SGCD: variants seen among roughly 807,000 people sequenced by gnomAD.
SGCD encodes the protein sarcoglycan delta, also known as delta-sarcoglycan.
A neutral mutation model predicts 36.6 loss-of-function variants in SGCD; 18 were observed. The observed-to-expected ratio is 0.49, with a 90% confidence interval of 0.34 to 0.73. The LOEUF (loss-of-function observed/expected upper bound fraction) is 0.73, where lower values mean the gene tolerates loss of function less well. Ranked by LOEUF, SGCD falls within the 30% of genes least tolerant of loss-of-function variation. The pLI is 0.01. For missense variants in SGCD, 387 were observed against 346.7 expected, an observed-to-expected ratio of 1.12 and a Z score of -0.92; for synonymous variants, 133 against 130.6, an observed-to-expected ratio of 1.02 and a Z score of -0.12.
intron 3 of SGCD, among the ~76,000 whole-genome samples, chr5:156,136,697 A>G (rs1762467471): frequency 6.6e-6 from 1 of 152,220 alleles, no homozygotes; most frequent in African/African-American, 2.4e-5. Context: ...TTATAGACAT[A>G]GGGAACAACC....
intron 3 of SGCD, among the ~76,000 whole-genome samples, chr5:156,239,254 G>T (rs770659725): frequency 1.3e-5 from 2 of 151,970 alleles, no homozygotes; most frequent in African/African-American, 2.4e-5. Context: ...ACAAAAATTA[G>T]CTGGGTGTGG....
At chr5:156,629,855 CTTTTTTTTTTTT>C (rs560099325) in intron 6 of SGCD, among the ~76,000 whole-genome samples, 3 of 85,626 alleles carry the variant, frequency 3.5e-5, no homozygotes, top group Non-Finnish European at 4.8e-5. Flanking sequence ...GAGACTTTTT[CTTTTTTTTTTTT>C]TTTTTTTTTT....
chr5:156,039,670 G>A (rs1759587957), intron 1 of SGCD, among the ~76,000 whole-genome samples: 8 of 152,158 alleles, frequency 5.3e-5, no homozygotes, highest in Admixed American at 5.2e-4. Context: ...TTAAAGAATT[G>A]TATGTTTTCT....
chr5:156,566,038 G>T (rs1010115872), intron 4 of SGCD, among the ~76,000 whole-genome samples: 2 of 152,018 alleles, frequency 1.3e-5, no homozygotes, highest in African/African-American at 4.8e-5. Context: ...GTGGCCAAAG[G>T]ATATGAACAG....
chr5:156,001,971 G>C (rs559659633), intron 1 of SGCD, among the ~76,000 whole-genome samples: 2 of 152,312 alleles, frequency 1.3e-5, no homozygotes, highest in East Asian at 3.9e-4. Context: ...TTGAGAGCCA[G>C]GGTCAAAAGA....
chr5:156,643,471 C>T (rs1054989661), intron 6 of SGCD, among the ~76,000 whole-genome samples: 1 of 152,006 alleles, frequency 6.6e-6, no homozygotes, highest in African/African-American at 2.4e-5. Flanking sequence ...TTGGGTTCAC[C>T]AACATACTGT....
chr5:156,582,924 A>G (rs1017434164), intron 4 of SGCD, among the ~76,000 whole-genome samples: 3 of 152,156 alleles, frequency 2.0e-5, no homozygotes, highest in African/African-American at 7.2e-5. Context: ...ACTATGAGAG[A>G]TTTGCCTTGA....
At chr5:155,918,379 A>T (rs1756800393) in intron 1 of SGCD, among the ~76,000 whole-genome samples, 1 of 152,114 alleles carries the variant, frequency 6.6e-6, no homozygotes, top group South Asian at 2.1e-4. Context: ...CCTGACCAAC[A>T]CAGTGAAACC....
chr5:156,653,434 G>GT (rs1434756303), intron 7 of SGCD, among the ~76,000 whole-genome samples: 7 of 128,774 alleles, frequency 5.4e-5, no homozygotes, highest in Admixed American at 1.8e-4. Context: ...GGGGTAGCTT[G>GT]TAATGTCACC....
chr5:156,321,192 G>T (rs1767654245), intron 3 of SGCD, among the ~76,000 whole-genome samples: 1 of 152,204 alleles, frequency 6.6e-6, no homozygotes, highest in African/African-American at 2.4e-5. Context: ...GACCAAGGTG[G>T]GTGGATCAGG....
the SGCD span, among the ~76,000 whole-genome samples, chr5:155,753,334 T>TAA: frequency 4.4e-5 from 6 of 135,824 alleles, no homozygotes; most frequent in African/African-American, 7.1e-5. Flanking sequence ...AGACTTTGTC[T>TAA]AAAAAAAAAA....
intron 7 of SGCD, among the ~76,000 whole-genome samples, chr5:156,665,277 T>A (rs1764106440): frequency 6.6e-6 from 1 of 151,860 alleles, no homozygotes; most frequent in African/African-American, 2.4e-5. Flanking sequence ...ATTCTGGACC[T>A]TTTCCTTCTA....
At chr5:155,981,854 T>C (rs564373868) in intron 1 of SGCD, among the ~76,000 whole-genome samples, 1 of 152,324 alleles carries the variant, frequency 6.6e-6, no homozygotes, top group Non-Finnish European at 1.5e-5. Context: ...TTGGGTTTAT[T>C]ATTTGTTTCA....
chr5:156,356,505 C>A (rs773077770), intron 3 of SGCD, among the ~76,000 whole-genome samples: 8 of 152,110 alleles, frequency 5.3e-5, no homozygotes, highest in Admixed American at 3.9e-4. Context: ...TGTTATGAAC[C>A]AGACTCAGAA....
intron 3 of SGCD, among the ~76,000 whole-genome samples, chr5:156,236,837 ATT>A (rs571943122): frequency 1.1e-4 from 15 of 139,818 alleles, no homozygotes; most frequent in African/African-American, 2.6e-4. Flanking sequence ...GCTGAGCCAG[ATT>A]TTTTTTTTTT....
Position 156,605,929 on chromosome 5 carries a change from C to T in SGCD, c.502+10878C>T, listed in dbSNP as rs540689984. Among the ~76,000 whole-genome samples the T allele has an allele frequency of 5.9e-5, 9 of 152,182 alleles. No individual in the cohort carries two copies. The East Asian group carries it at 1.7e-3, about 29-fold the overall frequency. ...CTCGTAAATTTGTTGGAGTTCATTG[C>T]AGATTCTGGATATTAGCCCTTTGTC... On this transcript the variant is annotated intron_variant, in intron 6 of 8. Transcript: ENST00000337851.
intron 3 of SGCD, among the ~76,000 whole-genome samples, chr5:156,163,473 TAGTC>T (rs1215121188): frequency 3.3e-5 from 5 of 151,776 alleles, no homozygotes; most frequent in Admixed American, 3.3e-4. Flanking sequence ...GAGGGAGGCA[TAGTC>T]AGTCCTCAGC....
Position 156,229,286 on chromosome 5 carries a change from A to ATATATATATATATATGTGTGTG in SGCD, c.-43-100234_-43-100233insTGTGTGTGTATATATATATATA, listed in dbSNP as rs1229174444. Among the ~76,000 whole-genome samples the ATATATATATATATATGTGTGTG allele has an allele frequency of 3.2e-3, 351 of 110,414 alleles. 23 individuals are homozygous for ATATATATATATATATGTGTGTG. Among genetic ancestry groups the ATATATATATATATATGTGTGTG allele is most frequent in the African/African-American group, 0.012 (291 of 24,604 alleles). The allele number at this position is 110,414 out of a possible 152,430, so 72.4% of individuals were successfully genotyped here. The stretch of plus-strand genomic sequence containing the variant: ...CATATATATATACATACATATATAT[A>ATATATATATATATATGTGTGTG]TATATATATATATAAAATTAGTTCT... On this transcript the variant is annotated intron_variant, in intron 3 of 9. Coordinates refer to the SGCD transcript ENST00000517913.
At chr5:156,074,324 C>G (rs989456185) in intron 1 of SGCD, among the ~76,000 whole-genome samples, 1 of 151,792 alleles carries the variant, frequency 6.6e-6, no homozygotes, top group African/African-American at 2.4e-5. Context: ...ATCATAATCC[C>G]AAAAGACACA....
Sources: gnomAD v4.1 joint callset for allele counts (sites outside exome capture counted in the v4.1 genomes callset) on GRCh38, gnomAD v4.1.1 for gene constraint, MANE v1.5 for transcripts, NCBI Gene and HGNC (gene_info 2026-07-23, HGNC 2026-07-21) for gene names.